The following ANXA8 variants were observed in gnomAD, a reference collection of about 807,000 sequenced individuals.
ANXA8 encodes the protein annexin A8.
ANXA8 carries 9 observed loss-of-function variants against 26.8 expected under a neutral mutation model. The ratio of observed to expected loss-of-function variants is 0.34; its 90% confidence interval spans 0.20 to 0.59. The LOEUF is 0.59. Ranked by LOEUF, ANXA8 falls within the 20% of genes least tolerant of loss-of-function variation. The pLI is 0.84. For synonymous variants in ANXA8, 39 were observed against 94.8 expected (o/e 0.41, Z 3.42); for missense variants, 83 against 238.5 (o/e 0.35, Z 4.29).
At chr10:47,533,185 TCACA>T in the ANXA8 span, among the ~76,000 whole-genome samples, 2,582 of 102,260 alleles carry the variant, frequency 0.025, 49 homozygotes, top group African/African-American at 0.086. Flanking sequence ...TAAACACACA[TCACA>T]CACACACACA....
At chr10:47,971,064 C>T in the ANXA8 span, among the ~76,000 whole-genome samples, 1 of 151,426 alleles carries the variant, frequency 6.6e-6, no homozygotes, top group South Asian at 2.1e-4. Flanking sequence ...CTTGCCCTCT[C>T]TGATTCTCAA....
the ANXA8 span, among the ~76,000 whole-genome samples, chr10:47,668,519 C>T: frequency 6.6e-6 from 1 of 151,506 alleles, no homozygotes; most frequent in African/African-American, 2.4e-5. Context: ...TCTCTTGCCT[C>T]AGCCTCCTAA....
At chr10:47,653,112 G>C in the ANXA8 span, among the ~76,000 whole-genome samples, 1 of 150,718 alleles carries the variant, frequency 6.6e-6, no homozygotes, top group East Asian at 2.0e-4. Flanking sequence ...AGGAGTTCGA[G>C]ACCAGCCTGG....
chr10:47,699,151 A>G, the ANXA8 span, among the ~76,000 whole-genome samples: 1 of 151,298 alleles, frequency 6.6e-6, no homozygotes, highest in Non-Finnish European at 1.5e-5. Context: ...GTTTGGGACC[A>G]GCCTGGCCAA....
At chr10:47,716,513 G>A in the ANXA8 span, among the ~76,000 whole-genome samples, 1 of 126,718 alleles carries the variant, frequency 7.9e-6, no homozygotes, top group Non-Finnish European at 1.6e-5. Context: ...GGTTAGCATT[G>A]TTATATCATA....
chr10:47,509,944 A>G, the ANXA8 span, among the ~76,000 whole-genome samples: 9 of 142,618 alleles, frequency 6.3e-5, 1 homozygote, highest in East Asian at 2.8e-4. Flanking sequence ...AGGCATAAAG[A>G]CATCAAAAAG....
the ANXA8 span, among the ~76,000 whole-genome samples, chr10:47,939,508 C>G: frequency 6.9e-6 from 1 of 143,888 alleles, no homozygotes; most frequent in Non-Finnish European, 1.5e-5. Context: ...TTGTGTCCTG[C>G]CCCCAACACC....
the ANXA8 span, among the ~76,000 whole-genome samples, chr10:47,977,757 T>G: frequency 6.6e-6 from 1 of 151,562 alleles, no homozygotes. Flanking sequence ...TATGGGTCAA[T>G]TGAGATTATA....
At chr10:47,657,137 A>AC in the ANXA8 span, among the ~76,000 whole-genome samples, 19 of 151,374 alleles carry the variant, frequency 1.3e-4, no homozygotes, top group Admixed American at 6.6e-4. Flanking sequence ...AGATATTGTC[A>AC]CCACCACACA....
At chr10:47,646,830 C>T in the ANXA8 span, among the ~76,000 whole-genome samples, 1 of 152,042 alleles carries the variant, frequency 6.6e-6, no homozygotes, top group Non-Finnish European at 1.5e-5. Context: ...TCATTCTCTT[C>T]AGAAATAAAG....
At chr10:47,989,483 C>T in the ANXA8 span, among the ~76,000 whole-genome samples, 2 of 122,776 alleles carry the variant, frequency 1.6e-5, no homozygotes, top group Admixed American at 8.2e-5. Context: ...AAGCCTCTGT[C>T]TCACTTCCCA....
At chr10:47,510,141 T>A in the ANXA8 span, 1 of 1,170,886 alleles carries the variant, frequency 8.5e-7, no homozygotes, top group Non-Finnish European at 1.2e-6. Flanking sequence ...AATAAAGGAA[T>A]CTGTCCCTCG....
At chr10:47,928,934 GT>G in the ANXA8 span, among the ~76,000 whole-genome samples, 3 of 90,968 alleles carry the variant, frequency 3.3e-5, no homozygotes, top group Non-Finnish European at 6.2e-5. Flanking sequence ...AAAAAATTAA[GT>G]CTTTTTTTTT....
the ANXA8 span, among the ~76,000 whole-genome samples, chr10:47,555,739 C>T: frequency 8.5e-5 from 13 of 152,120 alleles, no homozygotes; most frequent in African/African-American, 2.9e-4. Context: ...GATGGCAATT[C>T]AGAAGTGAAT....
At chr10:47,509,192 C>A in the ANXA8 span, among the ~76,000 whole-genome samples, 1 of 128,072 alleles carries the variant, frequency 7.8e-6, no homozygotes, top group Non-Finnish European at 1.6e-5. Context: ...GCTAACTTAT[C>A]AAAATCTTTG....
chr10:47,519,440 T>C, the ANXA8 span, among the ~76,000 whole-genome samples: 27 of 117,474 alleles, frequency 2.3e-4, no homozygotes, highest in African/African-American at 6.0e-4. Flanking sequence ...TGCACTCCAG[T>C]CTGGGCAACA....
the ANXA8 span, among the ~76,000 whole-genome samples, chr10:47,954,092 C>T: frequency 6.6e-6 from 1 of 150,946 alleles, no homozygotes; most frequent in Non-Finnish European, 1.5e-5. Context: ...GCTGCACTTC[C>T]ATGTTTATTG....
At chr10:47,514,295 G>C in the ANXA8 span, among the ~76,000 whole-genome samples, 1 of 150,298 alleles carries the variant, frequency 6.7e-6, no homozygotes, top group East Asian at 2.0e-4. Context: ...CCATAATAAG[G>C]AATAAATTCA....
At chr10:47,558,142 T>C in the ANXA8 span, among the ~76,000 whole-genome samples, 1 of 151,964 alleles carries the variant, frequency 6.6e-6, no homozygotes, top group African/African-American at 2.4e-5. Context: ...AACTGTTTAG[T>C]TGGTTTCTGT....
Sources: allele counts gnomAD v4.1 joint callset (sites outside exome capture counted in the v4.1 genomes callset), GRCh38; gene constraint gnomAD v4.1.1; transcripts MANE v1.5; gene names NCBI Gene and HGNC (gene_info 2026-07-23, HGNC 2026-07-21).